Variants in VPS53 observed in about 807,000 individuals in gnomAD.
VPS53 encodes the protein VPS53 subunit of GARP complex.
In VPS53, 70 loss-of-function variants were observed where a neutral mutation model predicts 107.0. The observed-to-expected ratio is 0.65, with a 90% CI of 0.54 to 0.80. VPS53 has a LOEUF of 0.80. Ranked by LOEUF, VPS53 falls within the 30% of genes least tolerant of loss-of-function variation. The pLI is 0.00. For synonymous variants in VPS53, 409 were observed against 393.3 expected, an observed-to-expected ratio of 1.04 and a Z score of -0.47; for missense variants, 917 against 1,049.4, an observed-to-expected ratio of 0.87 and a Z score of 1.74.
intron 5 of VPS53, among the ~76,000 whole-genome samples, chr17:659,527 C>G (rs7208846): frequency 0.051 from 7,690 of 152,208 alleles, 636 homozygotes; most frequent in African/African-American, 0.17. Flanking sequence ...GTGATCCCCC[C>G]TCCTTGGCCT....
At chr17:565,402 T>TA (rs1913400381) in intron 13 of VPS53, among the ~76,000 whole-genome samples, 1 of 23,716 alleles carries the variant, frequency 4.2e-5, no homozygotes, top group Non-Finnish European at 6.6e-5. Context: ...AAACCCCATC[T>TA]CAAAAAAAAA....
intron 12 of VPS53, among the ~76,000 whole-genome samples, chr17:598,494 G>T (rs370095702): frequency 4.2e-5 from 6 of 143,930 alleles, no homozygotes; most frequent in Non-Finnish European, 9.2e-5. Flanking sequence ...CCGCCCGGCC[G>T]CCATCCCACC....
At chr17:549,149 T>C (rs1196275993) in intron 17 of VPS53, among the ~76,000 whole-genome samples, 1 of 152,134 alleles carries the variant, frequency 6.6e-6, no homozygotes, top group African/African-American at 2.4e-5. Flanking sequence ...GGGTCTGAAC[T>C]GAACTGTTTA....
intron 8 of VPS53, among the ~76,000 whole-genome samples, chr17:630,655 T>G (rs1454321551): frequency 6.6e-6 from 1 of 152,168 alleles, no homozygotes; most frequent in African/African-American, 2.4e-5. Flanking sequence ...CCCACTTACT[T>G]CCTACATTTC....
intron 12 of VPS53, among the ~76,000 whole-genome samples, chr17:592,412 T>C (rs1391831343): frequency 1.3e-5 from 2 of 152,180 alleles, no homozygotes; most frequent in Admixed American, 6.6e-5. Context: ...TATTGTTATG[T>C]GTGAATTTGA....
At chr17:544,416 C>T (rs1204801794) in intron 17 of VPS53, among the ~76,000 whole-genome samples, 2 of 152,050 alleles carry the variant, frequency 1.3e-5, no homozygotes, top group Non-Finnish European at 2.9e-5. Flanking sequence ...GAGGCTCTTC[C>T]ACTTTTAGGC....
At chr17:528,288 A>T (rs1909269263) in intron 19 of VPS53, among the ~76,000 whole-genome samples, 1 of 152,110 alleles carries the variant, frequency 6.6e-6, no homozygotes, top group East Asian at 1.9e-4. Context: ...CCAACCATTA[A>T]TCCACTTTCT....
intron 4 of VPS53, among the ~76,000 whole-genome samples, chr17:677,822 C>T (rs1972227713): frequency 6.6e-6 from 1 of 151,868 alleles, no homozygotes; most frequent in South Asian, 2.1e-4. Context: ...AAGCTACTTG[C>T]CAAGAAAAAA....
intron 3 of VPS53, among the ~76,000 whole-genome samples, chr17:699,095 AG>A (rs1973099809): frequency 6.6e-6 from 1 of 152,160 alleles, no homozygotes; most frequent in African/African-American, 2.4e-5. Context: ...TGAACCTGGG[AG>A]GTGGAGGTTG....
chr17:636,007 T>C lies in VPS53; in HGVS notation c.609-4379A>G, dbSNP rs1448529473. Among the ~76,000 whole-genome samples the C allele has an allele frequency of 3.9e-5, 6 of 152,248 alleles. No homozygotes were observed. The East Asian group carries it at 1.2e-3, about 29-fold the overall frequency. On this transcript the variant is annotated intron_variant, in intron 7 of 21. Coordinates refer to ENST00000437048, the MANE Select transcript of VPS53 (RefSeq NM_001128159.3). ...TTGGGCAGTATGGCCATTTTCACGA[T>C]ATTGGTTCTTCCTATCCATGAGCAT...
At chr17:681,365 G>A (rs1380321054) in intron 4 of VPS53, among the ~76,000 whole-genome samples, 1 of 152,200 alleles carries the variant, frequency 6.6e-6, no homozygotes, top group Non-Finnish European at 1.5e-5. Context: ...TCGAACTCCT[G>A]ACCTCGTGAT....
intron 4 of VPS53, among the ~76,000 whole-genome samples, chr17:663,608 C>CTA (rs1971561095): frequency 6.6e-6 from 1 of 152,204 alleles, no homozygotes; most frequent in African/African-American, 2.4e-5. Context: ...CTACCTACAG[C>CTA]TAAAGTGTCT....
intron 12 of VPS53, among the ~76,000 whole-genome samples, chr17:594,698 T>C (rs1967866140): frequency 9.4e-6 from 1 of 106,114 alleles, no homozygotes; most frequent in South Asian, 3.8e-4. Context: ...AGCTGGGAGA[T>C]GGGAAGGGGT....
chr17:560,515 A>G lies in VPS53; in HGVS notation c.1615T>C (p.Ser539Pro), dbSNP rs754749387. ...ISSLLKEKEG[S>P]EVAKFTLEEL... Reference sequence around the variant, plus strand: ...TCCAGAGTGAACTTGGCTACTTCTGAGCCCTCCTTTTCCTTGAGGAGGCTG... The same window carrying G: ...TCCAGAGTGAACTTGGCTACTTCTGGGCCCTCCTTTTCCTTGAGGAGGCTG... Residue 539 changes from serine (S) to proline (P), a missense_variant, in exon 15 of 22, where the codon TCA becomes CCA. By Grantham distance (74) the Ser-to-Pro change is moderately conservative (BLOSUM62 -1). Transcript: ENST00000437048. The G allele has an allele frequency of 1.1e-5, 17 of 1,613,836 alleles. No homozygotes were observed.
intron 2 of VPS53, among the ~76,000 whole-genome samples, chr17:707,265 T>C (rs2143997819): frequency 6.6e-6 from 1 of 152,352 alleles, no homozygotes; most frequent in African/African-American, 2.4e-5. Context: ...CTCACGCCTG[T>C]CATCCCAGCA....
chr17:689,357 G>A (rs79673057), intron 4 of VPS53, among the ~76,000 whole-genome samples: 2,361 of 152,050 alleles, frequency 0.016, 23 homozygotes, highest in Middle Eastern at 0.031. Context: ...CAGTGTAGAG[G>A]TGCCATCATA....
Position 521,657 on chromosome 17 carries a change from C to T in VPS53, c.2167G>A (p.Ala723Thr), listed in dbSNP as rs753842899. The T allele has an allele frequency of 1.7e-5, 27 of 1,550,826 alleles. No individual in the cohort carries two copies. The highest frequency in any genetic ancestry group is 9.8e-5 in the Admixed American group (5 of 50,902). ...TTGACAACGATCTTGGTGTAGCTGG[C>T]GGGTGCCTTCCTCACCACCTGCGAG... ...ISSQVVRKAP[A>T]SYTKIVVKGM... is the part of the protein sequence containing the mutation. Residue 723 changes from alanine (A) to threonine (T), a missense_variant, in exon 20 of 22, where the codon GCC becomes ACC. By Grantham distance (58) the Ala-to-Thr change is moderately conservative (BLOSUM62 0). Coordinates refer to ENST00000437048, the MANE Select transcript of VPS53 (RefSeq NM_001128159.3).
intron 17 of VPS53, among the ~76,000 whole-genome samples, chr17:541,618 G>T (rs113886146): frequency 5.8e-4 from 61 of 105,964 alleles, no homozygotes; most frequent in Middle Eastern, 9.4e-3. Context: ...ATCAAGCACC[G>T]ACTACGCACT....
chr17:521,735 G>A lies in VPS53; in HGVS notation c.2089C>T (p.Leu697=). 2.6e-6 allele frequency: 4 copies of A among 1,542,898 alleles called. No individual in the cohort carries two copies. The highest frequency in any genetic ancestry group is 2.5e-5 in the East Asian group (1 of 40,586). The part of the protein sequence containing the change: ...PISMVGAEQL[L]LDTHSLKMVL... ...ATCTTCAGCGAGTGGGTGTCCAGCA[G>A]CAGCTGTGGAGCAAAGCAGAGAGCA... Residue 697 remains leucine (L), a synonymous_variant, in exon 20 of 22, where the codon CTG becomes TTG. Coordinates refer to ENST00000437048, the MANE Select transcript of VPS53 (RefSeq NM_001128159.3).
Sources: allele counts gnomAD v4.1 joint callset (sites outside exome capture counted in the v4.1 genomes callset), GRCh38; gene constraint gnomAD v4.1.1; transcripts MANE v1.5; gene names NCBI Gene and HGNC (gene_info 2026-07-23, HGNC 2026-07-21).